The following DLGAP4 variants were observed in gnomAD, a reference collection of about 807,000 sequenced individuals.
DLGAP4 encodes disks large-associated protein 4.
DLGAP4 carries 18 observed loss-of-function variants against 86.9 expected under a neutral mutation model. That is an observed-to-expected ratio of 0.21 (90% confidence interval 0.14 to 0.31). The LOEUF is 0.31. DLGAP4 is among the 10% of genes least tolerant of loss of function. The probability of loss-of-function intolerance (pLI) is 1.00; values close to 1 mark genes in which losing one functional copy is unlikely to be tolerated. For missense variants in DLGAP4, 1,085 were observed against 1,362.6 expected (o/e 0.80, Z 3.21); for synonymous variants, 548 against 574.3 (o/e 0.95, Z 0.65).
At chr20:36,501,112 TG>T (rs1295698227) in intron 10 of DLGAP4, among the ~76,000 whole-genome samples, 5 of 150,166 alleles carry the variant, frequency 3.3e-5, no homozygotes, top group Non-Finnish European at 7.4e-5. Context: ...TCACCCAGGC[TG>T]GAGTGCAGTG....
At chr20:36,478,262 C>G (rs1376278627) in intron 7 of DLGAP4, among the ~76,000 whole-genome samples, 1 of 152,120 alleles carries the variant, frequency 6.6e-6, no homozygotes, top group African/African-American at 2.4e-5. Context: ...CGTGAGGAGT[C>G]TTCTCGACAC....
At chr20:36,462,046 G>T (rs1398671084) in intron 7 of DLGAP4, 42 of 986,982 alleles carry the variant, frequency 4.3e-5, no homozygotes, top group Non-Finnish European at 4.5e-5. Flanking sequence ...AGGGCTCCCC[G>T]TGAGTTTCTT....
chr20:36,491,637 G>T (rs528702016), intron 7 of DLGAP4, among the ~76,000 whole-genome samples: 1 of 152,206 alleles, frequency 6.6e-6, no homozygotes, highest in East Asian at 1.9e-4. Context: ...AAGCTGGAAG[G>T]GGTATGCTGA....
intron 1 of DLGAP4, among the ~76,000 whole-genome samples, chr20:36,322,488 A>G (rs1235689929): frequency 6.6e-6 from 1 of 152,210 alleles, no homozygotes; most frequent in African/African-American, 2.4e-5. Flanking sequence ...TCTGTGCCTC[A>G]GTCCCCTCAT....
chr20:36,432,778 C>A lies in DLGAP4; in HGVS notation c.999+62C>A. ...TCTGGGGACGGCACCAGTTTTGAGG[C>A]CTAGACGTACCACAGATTCACTTGG... On this transcript the variant is annotated intron_variant, in intron 3 of 12. Transcript: ENST00000339266. The surrounding 1 kb of genome is among the most constrained non-coding windows in gnomAD (Gnocchi z 6.5). The A allele has an allele frequency of 4.5e-6, 7 of 1,564,736 alleles. 1 individual carries two copies. The Middle Eastern group carries it at 1.2e-3, about 270-fold the overall frequency.
chr20:36,454,304 T>G (rs886491925), intron 7 of DLGAP4, among the ~76,000 whole-genome samples: 2 of 151,996 alleles, frequency 1.3e-5, no homozygotes, highest in African/African-American at 4.8e-5. Context: ...TTAAGACACT[T>G]AACAGCCATC....
rs979053195 is a variant in DLGAP4, at chr20:36,423,284, C to T, written c.-72-8362C>T. Among the ~76,000 whole-genome samples the T allele has an allele frequency of 2.0e-5, 3 of 151,148 alleles. 1 individual carries two copies. Among genetic ancestry groups the T allele is most frequent in the East Asian group, 3.9e-4 (2 of 5,064 alleles). On this transcript the variant is annotated intron_variant, in intron 2 of 12. Transcript: ENST00000339266. ...CGAGACCTGGCCAATGGTGAAACCC[C>T]GTCTCTACCAAAAGTACAAAAATTA...
At chr20:36,492,617 G>A (rs1366320197) in intron 7 of DLGAP4, 3 of 152,174 alleles carry the variant, frequency 2.0e-5, no homozygotes, top group African/African-American at 4.8e-5. Flanking sequence ...CCAGAACCTC[G>A]TGAATGCTGC....
chr20:36,448,336 C>T (rs2033654104), intron 7 of DLGAP4, among the ~76,000 whole-genome samples: 1 of 152,196 alleles, frequency 6.6e-6, no homozygotes, highest in Admixed American at 6.5e-5. Flanking sequence ...GGAGACAGAC[C>T]AAGACCTTGT....
chr20:36,333,330 GT>G (rs1202646510), intron 1 of DLGAP4, among the ~76,000 whole-genome samples: 6 of 151,266 alleles, frequency 4.0e-5, no homozygotes, highest in Middle Eastern at 3.4e-3. Context: ...TTAATAGAGG[GT>G]TTTTTTTTCT....
chr20:36,505,266 C>T (rs1043810776), intron 10 of DLGAP4, among the ~76,000 whole-genome samples: 1 of 152,004 alleles, frequency 6.6e-6, no homozygotes, highest in African/African-American at 2.4e-5. Context: ...GGATTACAAG[C>T]ATGAGCCACC....
Position 36,432,017 on chromosome 20 carries a change from G to C in DLGAP4, c.300G>C (p.Leu100=), listed in dbSNP as rs149479346. 674 of 1,614,128 alleles carry C rather than the reference G, an allele frequency of 4.2e-4. 1 individual carries two copies. Among genetic ancestry groups the C allele is most frequent in the Non-Finnish European group, 5.1e-4 (596 of 1,180,026 alleles). The change falls in exon 3 of 13, where the codon CTG becomes CTC. Residue 100 remains leucine (L), a synonymous_variant. Coordinates refer to ENST00000339266, the MANE Select transcript of DLGAP4 (RefSeq NM_001365621.2). This position sits in a 1 kb window ranked among gnomAD's most constrained non-coding sequence, Gnocchi z 6.5. ...CCCAAGCCACCAAGATCAACCGGCT[G>C]CCCGCCAACCTCCTGGACCAGTTTG... ...SHAQATKINR[L]PANLLDQFEK...
intron 1 of DLGAP4, among the ~76,000 whole-genome samples, chr20:36,329,471 C>T (rs1555891315): frequency 6.6e-6 from 1 of 152,176 alleles, no homozygotes; most frequent in African/African-American, 2.4e-5. Context: ...CAGCTTAGGG[C>T]CAGACACAGC....
chr20:36,313,500 G>A (rs1395857030), intron 1 of DLGAP4, among the ~76,000 whole-genome samples: 1 of 151,992 alleles, frequency 6.6e-6, no homozygotes, highest in Non-Finnish European at 1.5e-5. Flanking sequence ...GGGCTGGGCT[G>A]TGAGATTCTG....
At chr20:36,511,874 CAAAA>C (rs1161880479) in intron 10 of DLGAP4, among the ~76,000 whole-genome samples, 3 of 76,926 alleles carry the variant, frequency 3.9e-5, no homozygotes, top group Non-Finnish European at 2.9e-5. Flanking sequence ...GACCCTGTCT[CAAAA>C]AAAAAAAAAA....
intron 2 of DLGAP4, among the ~76,000 whole-genome samples, chr20:36,410,586 C>T (rs139221845): frequency 2.0e-4 from 30 of 152,230 alleles, no homozygotes; most frequent in Admixed American, 1.9e-3. Flanking sequence ...AGGAAGCTTC[C>T]AATCATGGCT....
At chr20:36,324,828 ATCTT>A (rs1426076388) in intron 1 of DLGAP4, among the ~76,000 whole-genome samples, 4 of 152,100 alleles carry the variant, frequency 2.6e-5, no homozygotes, top group Admixed American at 1.3e-4. Context: ...TATGTGTCTG[ATCTT>A]TCTTTCTCAT....
Position 36,527,059 on chromosome 20 carries a change from T to A in DLGAP4, c.*28T>A. ...CCATGCAGGAGGAAAGAAACGATTT[T>A]AAATCATTAAAAACACAAAAACTAA... is the stretch of plus-strand genomic sequence containing the variant. On this transcript the variant is annotated 3_prime_UTR_variant, in exon 13 of 13. Transcript: ENST00000339266. 6.4e-7 allele frequency: 1 copy of A among 1,559,924 alleles called. No homozygotes were observed. Among genetic ancestry groups the A allele is most frequent in the Non-Finnish European group, 8.7e-7 (1 of 1,152,156 alleles).
At chr20:36,332,335 G>A (rs998982326) in intron 1 of DLGAP4, among the ~76,000 whole-genome samples, 1 of 151,964 alleles carries the variant, frequency 6.6e-6, no homozygotes, top group Non-Finnish European at 1.5e-5. Flanking sequence ...TTTGACACCT[G>A]CAGACTTTCC....
Sources: gnomAD v4.1 joint callset for allele counts (sites outside exome capture counted in the v4.1 genomes callset) on GRCh38, gnomAD v4.1.1 for gene constraint, Gnocchi (gnomAD v3.1) non-coding constraint, MANE v1.5 for transcripts, NCBI Gene and HGNC (gene_info 2026-07-23, HGNC 2026-07-21) for gene names.